UTRN: variants seen among roughly 807,000 people sequenced by gnomAD.
UTRN encodes utrophin.
In UTRN, 283 loss-of-function variants were observed where a neutral mutation model predicts 463.9. The observed-to-expected ratio is 0.61, with a 90% CI of 0.55 to 0.67. UTRN has a LOEUF of 0.67. Among genes scored for constraint, UTRN ranks in the 30% least tolerant of loss-of-function variants. UTRN has a pLI of 0.00. For synonymous variants in UTRN, 1,442 were observed against 1,431.5 expected, an observed-to-expected ratio of 1.01 and a Z score of -0.17; for missense variants, 3,922 against 4,084.3, an observed-to-expected ratio of 0.96 and a Z score of 1.08.
intron 50 of UTRN, among the ~76,000 whole-genome samples, chr6:144,572,394 T>A (rs970512979): frequency 2.6e-4 from 40 of 152,212 alleles, no homozygotes; most frequent in Non-Finnish European, 5.0e-4. Context: ...TTTAAAAAAA[T>A]TTTTACTTTA....
intron 51 of UTRN, among the ~76,000 whole-genome samples, chr6:144,603,141 TTAAC>T (rs1562635092): frequency 6.6e-6 from 1 of 152,260 alleles, no homozygotes; most frequent in Non-Finnish European, 1.5e-5. Flanking sequence ...TTGTATTTCT[TTAAC>T]TATTTTATGT....
chr6:144,821,692 GA>G (rs959362295), intron 66 of UTRN, among the ~76,000 whole-genome samples: 1 of 151,572 alleles, frequency 6.6e-6, no homozygotes, highest in Non-Finnish European at 1.5e-5. Context: ...GAAGTGAAAA[GA>G]AAAAAAATGT....
At chr6:144,720,847 T>TTG (rs1335379939) in intron 53 of UTRN, among the ~76,000 whole-genome samples, 21 of 152,338 alleles carry the variant, frequency 1.4e-4, no homozygotes, top group Admixed American at 6.5e-4. Flanking sequence ...TTTCAGAGAT[T>TTG]TGTGGCACTT....
At position 144,682,800 on chromosome 6, in the gene UTRN, T is replaced by TA. The variant is rs529841693; in HGVS notation, c.7652+4226dup. Among the ~76,000 whole-genome samples, 982 of 152,348 alleles carry TA rather than the reference T, an allele frequency of 6.4e-3. 9 individuals carry two copies. The highest frequency in any genetic ancestry group is 0.023 in the African/African-American group (949 of 41,590). Reference sequence around the variant, plus strand: ...TTATTACTTGGATATTTATAAAAGATAAAATAGTTTGTTATTTAATTTAGC... The same window carrying TA: ...TTATTACTTGGATATTTATAAAAGATAAAAATAGTTTGTTATTTAATTTAGC... On this transcript the variant is annotated intron_variant, in intron 52 of 74. Transcript: ENST00000367545.
At chr6:144,533,042 T>A (rs1585152331) in intron 42 of UTRN, 43 bp from the exon 43 acceptor site, 1 of 1,132,440 alleles carries the variant, frequency 8.8e-7, no homozygotes, top group Non-Finnish European at 1.3e-6. Context: ...TCAGAATCAT[T>A]TACTTATTAG....
At chr6:144,694,893 A>T (rs948948705) in intron 52 of UTRN, among the ~76,000 whole-genome samples, 4 of 150,624 alleles carry the variant, frequency 2.7e-5, no homozygotes, top group African/African-American at 7.3e-5. Flanking sequence ...AGTCTCCTAC[A>T]GTTCTGCTCT....
Position 144,592,055 on chromosome 6 carries a change from A to C in UTRN, c.7479+14767A>C, listed in dbSNP as rs140103333. On this transcript the variant is annotated intron_variant, in intron 51 of 74. Coordinates refer to ENST00000367545, the MANE Select transcript of UTRN (RefSeq NM_007124.3). ...GAAATGCAATTTGCTCTGTAGCTTT[A>C]TTCTAGGATTTTATAGCCTTCCTTT... Among the ~76,000 whole-genome samples the C allele has an allele frequency of 3.6e-3, 549 of 152,264 alleles. 3 individuals are homozygous for C. Among genetic ancestry groups the C allele is most frequent in the African/African-American group, 0.012 (518 of 41,548 alleles).
rs1175211872 is a variant in UTRN, at chr6:144,285,482, G to T, written c.-432G>T. Among the ~76,000 whole-genome samples the T allele has an allele frequency of 6.6e-6, 1 of 152,186 alleles. No homozygotes were observed. The highest frequency in any genetic ancestry group is 1.5e-5 in the Non-Finnish European group (1 of 68,018). ...CTTCTTTTGGGTCATTTCTGCAAAC[G>T]GAAAACTCTGTAGCGTTTGGCAAAG... is the stretch of plus-strand genomic sequence containing the variant. On this transcript the variant is annotated 5_prime_UTR_variant, in exon 1 of 75. Transcript: ENST00000367545.
chr6:144,362,454 A>G (rs1243318457), intron 2 of UTRN, among the ~76,000 whole-genome samples: 1 of 152,226 alleles, frequency 6.6e-6, no homozygotes, highest in Non-Finnish European at 1.5e-5. Context: ...AGCTGAGGTC[A>G]TTGCATGGTC....
chr6:144,606,655 A>G (rs534959761), intron 51 of UTRN, among the ~76,000 whole-genome samples: 1 of 152,322 alleles, frequency 6.6e-6, no homozygotes, highest in Non-Finnish European at 1.5e-5. Flanking sequence ...ATAGTATCCA[A>G]CACTCTCGAA....
At chr6:144,493,101 C>G (rs1488935720) in intron 32 of UTRN, among the ~76,000 whole-genome samples, 200 bp from the exon 33 acceptor site, 2 of 152,154 alleles carry the variant, frequency 1.3e-5, no homozygotes, top group Non-Finnish European at 2.9e-5. Context: ...AGTTTATTTT[C>G]TTGTCAGATT....
At chr6:144,487,847 A>G in intron 29 of UTRN, 150 bp downstream of exon 29, 2 of 651,064 alleles carry the variant, frequency 3.1e-6, no homozygotes, top group Non-Finnish European at 4.9e-6. Flanking sequence ...GAGGGTATTG[A>G]AATATTCAGA....
chr6:144,487,785 G>C, intron 29 of UTRN, 88 bp downstream of exon 29: 1 of 1,316,634 alleles, frequency 7.6e-7, no homozygotes, highest in Non-Finnish European at 1.0e-6. Context: ...TTTAATGTTG[G>C]AAAAATCTTT....
At chr6:144,595,653 T>C (rs1803568497) in intron 51 of UTRN, among the ~76,000 whole-genome samples, 1 of 152,150 alleles carries the variant, frequency 6.6e-6, no homozygotes, top group African/African-American at 2.4e-5. Flanking sequence ...TCTAGTCAAA[T>C]GAAGTATTTT....
intron 46 of UTRN, among the ~76,000 whole-genome samples, chr6:144,544,449 A>G (rs1403902760): frequency 1.3e-5 from 2 of 152,052 alleles, no homozygotes; most frequent in East Asian, 3.9e-4. Flanking sequence ...GCAACCACCG[A>G]TCTGCATTCT....
At chr6:144,533,600 C>T (rs1014005457) in intron 43 of UTRN, among the ~76,000 whole-genome samples, 1 of 152,104 alleles carries the variant, frequency 6.6e-6, no homozygotes, top group Non-Finnish European at 1.5e-5. Context: ...CAAGATCAGA[C>T]CTTCCCTTTG....
chr6:144,458,385 A>G (rs1789084943), intron 19 of UTRN, among the ~76,000 whole-genome samples: 1 of 152,088 alleles, frequency 6.6e-6, no homozygotes, highest in African/African-American at 2.4e-5. Context: ...TTTTCTTAGG[A>G]CAAAGGGTCT....
rs1782490603 is a variant in UTRN, at chr6:144,851,648, CTTTA to C, written c.*655_*658del. 6.6e-6 allele frequency: 1 copy of C among 152,148 alleles called. No individual in the cohort carries two copies. Among genetic ancestry groups the C allele is most frequent in the Non-Finnish European group, 1.5e-5 (1 of 68,024 alleles). 9.4% of individuals were successfully genotyped at this position (152,148 alleles called of 1,614,324 possible). On this transcript the variant is annotated 3_prime_UTR_variant, in exon 75 of 75. Coordinates refer to ENST00000367545, the MANE Select transcript of UTRN (RefSeq NM_007124.3). ...CTACAGCCCTGTGTATGCCGTTTAACTTTATTTGACGTTGCCCACTTACTTCTTT... is the reference window on the plus strand; with the variant it reads ...CTACAGCCCTGTGTATGCCGTTTAACTTTGACGTTGCCCACTTACTTCTTT...
At chr6:144,380,980 TTTTC>T (rs1201064604) in intron 2 of UTRN, among the ~76,000 whole-genome samples, 1 of 151,908 alleles carries the variant, frequency 6.6e-6, no homozygotes, top group African/African-American at 2.4e-5. Flanking sequence ...TCCTTTCTTT[TTTTC>T]TTTCTTTTTT....
Sources: allele counts gnomAD v4.1 joint callset (sites outside exome capture counted in the v4.1 genomes callset), GRCh38; gene constraint gnomAD v4.1.1; transcripts MANE v1.5; gene names NCBI Gene and HGNC (gene_info 2026-07-23, HGNC 2026-07-21).